CPZ: variants seen among roughly 807,000 people sequenced by gnomAD.
CPZ encodes carboxypeptidase Z, also known as VEZT/CPZ fusion.
Under a neutral mutation model 61.8 loss-of-function variants are expected in CPZ, and 103 were observed. That is an observed-to-expected ratio of 1.67 (90% CI 1.42 to 1.96). The LOEUF is 1.96. Among genes scored for constraint, CPZ ranks in the 30% most tolerant of loss-of-function variants. The pLI is 0.00. For synonymous variants in CPZ, 551 were observed against 373.7 expected (o/e 1.47, Z -5.47); for missense variants, 1,461 against 914.9 (o/e 1.60, Z -7.70).
intron 1 of CPZ, among the ~76,000 whole-genome samples, chr4:8,596,000 C>T (rs1025340672): frequency 1.4e-5 from 2 of 140,204 alleles, no homozygotes; most frequent in African/African-American, 5.7e-5. Context: ...ACAGGGAGTG[C>T]GGCCCTGCAG....
chr4:8,619,236 A>G, intron 10 of CPZ, 26 bp from the exon 11 acceptor site: 1 of 1,574,928 alleles, frequency 6.3e-7, no homozygotes, highest in Non-Finnish European at 8.6e-7. Context: ...CCTCGTGAGA[A>G]TCATTTTTAA....
At position 8,608,181 on chromosome 4, in the gene CPZ, C is replaced by T. The variant is rs537241904; in HGVS notation, c.1227+756C>T. The stretch of plus-strand genomic sequence containing the variant: ...CCCAGCTGCGGATCCTGGAGCTTAG[C>T]TGCCTGAACTGCCCCTAGTGGTCCC... On this transcript the variant is annotated intron_variant, in intron 7 of 10. Coordinates refer to ENST00000360986, the MANE Select transcript of CPZ (RefSeq NM_001014447.3). Among the ~76,000 whole-genome samples the T allele has an allele frequency of 7.3e-4, 107 of 147,282 alleles. 1 individual carries two copies. The highest frequency in any genetic ancestry group is 1.1e-3 in the Non-Finnish European group (72 of 66,570).
intron 1 of CPZ, among the ~76,000 whole-genome samples, chr4:8,599,183 C>T (rs1714388589): frequency 1.3e-5 from 2 of 152,256 alleles, no homozygotes; most frequent in South Asian, 4.1e-4. Flanking sequence ...CAGCCCCGGG[C>T]TTCGAGCCAG....
In CPZ at chr4:8,607,318, G is replaced by C; in HGVS notation, c.1120G>C (p.Val374Leu). Reference sequence around the variant, plus strand: ...GAAGTGGATGCAGACCATACCCTTTGTGCTCTCAGCCAGCCTTCATGGGGG... The same window carrying C: ...GAAGTGGATGCAGACCATACCCTTTCTGCTCTCAGCCAGCCTTCATGGGGG... ...IMKWMQTIPFVLSASLHGGDL... is the reference protein window; with the variant it reads ...IMKWMQTIPFLLSASLHGGDL... The change falls in exon 7 of 11, where the codon GTG becomes CTG. Residue 374 changes from valine (V) to leucine (L), a missense_variant. Val to Leu is a conservative substitution (Grantham distance 32). Transcript: ENST00000360986. The C allele has an allele frequency of 6.2e-7, 1 of 1,614,100 alleles. No individual in the cohort carries two copies.
In CPZ at chr4:8,592,931, TC is replaced by T; in HGVS notation, c.88+14del. 6.5e-7 allele frequency: 1 copy of T among 1,530,272 alleles called. No individual in the cohort carries two copies. 94.8% of individuals were successfully genotyped at this position (1,530,272 alleles called of 1,614,324 possible). Reference sequence around the variant, plus strand: ...GAGCGGAACCCCGCCGGTAAGGCCGTCCCCTGCCCCCACCCTCCACCCTCCA... The same window carrying T: ...GAGCGGAACCCCGCCGGTAAGGCCGTCCCTGCCCCCACCCTCCACCCTCCA... On this transcript the variant is annotated intron_variant, in intron 1 of 10. Coordinates refer to ENST00000360986, the MANE Select transcript of CPZ (RefSeq NM_001014447.3).
In CPZ at chr4:8,592,851, G is replaced by A. The variant is rs1322383764; in HGVS notation, c.18G>A (p.Pro6=). ...GCCCCACCATGCCGCCCCCGCTGCC[G>A]CTGCTGCTCCTTACAGTCCTGGTCG... MPPPL[P]LLLLTVLVVA... is the part of the protein sequence containing the mutation. Residue 6 remains proline, a synonymous_variant, in exon 1 of 11, where the codon CCG becomes CCA. Transcript: ENST00000360986. The A allele has an allele frequency of 1.3e-6, 2 of 1,485,334 alleles. No homozygotes were observed. The highest frequency in any genetic ancestry group is 8.9e-7 in the Non-Finnish European group (1 of 1,124,058). The allele number at this position is 1,485,334 out of a possible 1,614,324, so 92.0% of individuals were successfully genotyped here.
At chr4:8,607,209 T>C in intron 6 of CPZ, 58 bp from the exon 7 acceptor site, 3 of 1,572,290 alleles carry the variant, frequency 1.9e-6, no homozygotes, top group South Asian at 1.2e-5. Flanking sequence ...GCCCAGGGCA[T>C]GGCTGCGGGC....
chr4:8,594,098 C>T (rs2109308254), intron 1 of CPZ, among the ~76,000 whole-genome samples: 1 of 152,348 alleles, frequency 6.6e-6, no homozygotes, highest in Middle Eastern at 3.4e-3. Flanking sequence ...ACAGACCACC[C>T]TGTCCTCACC....
intron 4 of CPZ, among the ~76,000 whole-genome samples, chr4:8,605,642 C>T (rs1714930860): frequency 1.3e-5 from 2 of 152,266 alleles, no homozygotes; most frequent in South Asian, 4.2e-4. Flanking sequence ...TATATCCATT[C>T]ATCCACTCAA....
chr4:8,613,132 CCTTT>C (rs1159393978), intron 8 of CPZ, among the ~76,000 whole-genome samples: 1 of 134,668 alleles, frequency 7.4e-6, no homozygotes, highest in African/African-American at 2.8e-5. Flanking sequence ...CCTCTCTGTT[CCTTT>C]TTTTTTTTTT....
At chr4:8,608,681 G>A (rs990525812) in intron 7 of CPZ, among the ~76,000 whole-genome samples, 2 of 95,578 alleles carry the variant, frequency 2.1e-5, no homozygotes, top group African/African-American at 7.9e-5. Context: ...TGCATATGTT[G>A]GGGTGGGGAA....
chr4:8,611,403 G>C, intron 7 of CPZ: 2 of 421,996 alleles, frequency 4.7e-6, no homozygotes, highest in Admixed American at 4.8e-5. Flanking sequence ...CAGGATCCCA[G>C]CCACACATCC....
chr4:8,616,504 A>G (rs570410674), intron 9 of CPZ, among the ~76,000 whole-genome samples: 1 of 152,276 alleles, frequency 6.6e-6, no homozygotes, highest in South Asian at 2.1e-4. Context: ...AGAGAGGAAG[A>G]CTGGGGCCGT....
At chr4:8,617,965 G>GT (rs1391175873) in intron 9 of CPZ, 1 of 188,420 alleles carries the variant, frequency 5.3e-6, no homozygotes, top group African/African-American at 2.3e-5. Flanking sequence ...TGTTATACAC[G>GT]TGTACGATGA....
At chr4:8,607,474 T>G in intron 7 of CPZ, 49 bp downstream of exon 7, 6 of 1,591,250 alleles carry the variant, frequency 3.8e-6, no homozygotes, top group Non-Finnish European at 5.1e-6. Flanking sequence ...GTGTGCGCGG[T>G]CCCCTTGGAG....
chr4:8,597,975 C>T (rs142381505), intron 1 of CPZ, among the ~76,000 whole-genome samples: 19 of 152,340 alleles, frequency 1.2e-4, no homozygotes, highest in African/African-American at 3.6e-4. Flanking sequence ...CCCTGCCTTC[C>T]ACAGCCCTTG....
In CPZ at chr4:8,619,694, T is replaced by A. The variant is rs1164770626; in HGVS notation, c.*77T>A. 1.7e-6 allele frequency: 2 copies of A among 1,156,016 alleles called. No individual in the cohort carries two copies. Among genetic ancestry groups the A allele is most frequent in the Non-Finnish European group, 2.3e-6 (2 of 852,182 alleles). 71.6% of individuals were successfully genotyped at this position (1,156,016 alleles called of 1,614,324 possible). ...CCCGGGCTCCTGGCTCTTGATTTTG[T>A]CTGCCACAGACATCCCACAAAGCCG... On this transcript the variant is annotated 3_prime_UTR_variant, in exon 11 of 11. Coordinates refer to ENST00000360986, the MANE Select transcript of CPZ (RefSeq NM_001014447.3).
chr4:8,610,735 A>G (rs1404623060), intron 7 of CPZ, among the ~76,000 whole-genome samples: 1 of 152,192 alleles, frequency 6.6e-6, no homozygotes, highest in African/African-American at 2.4e-5. Flanking sequence ...CCCCACCCAC[A>G]GGTGCAGGGG....
chr4:8,595,550 G>T (rs1394767912), intron 1 of CPZ, among the ~76,000 whole-genome samples: 5 of 152,222 alleles, frequency 3.3e-5, no homozygotes, highest in Non-Finnish European at 5.9e-5. Context: ...AGCTGGCAAA[G>T]GCCCAGCCAC....
Sources: allele counts gnomAD v4.1 joint callset (sites outside exome capture counted in the v4.1 genomes callset), GRCh38; gene constraint gnomAD v4.1.1; transcripts MANE v1.5; gene names NCBI Gene and HGNC (gene_info 2026-07-23, HGNC 2026-07-21).